The following DUSP15 variants were observed in gnomAD, a reference collection of about 807,000 sequenced individuals.
The protein encoded by DUSP15 is dual specificity phosphatase 15.
In DUSP15, 23 loss-of-function variants were observed where a neutral mutation model predicts 26.3. The observed-to-expected ratio is 0.87, with a 90% confidence interval of 0.63 to 1.24. The LOEUF is 1.24. DUSP15 is among the 50% of genes most tolerant of loss of function. The pLI is 0.00. For synonymous variants in DUSP15, 143 were observed against 135.5 expected (o/e 1.06, Z -0.39); for missense variants, 364 against 320.6 (o/e 1.14, Z -1.03).
At chr20:31,859,325 T>C (rs1033058737), downstream of DUSP15, among the ~76,000 whole-genome samples, 2 of 152,028 alleles carry the variant, frequency 1.3e-5, no homozygotes, top group African/African-American at 4.8e-5. Context: ...GCATCTTTCA[T>C]TAAATTGTCA....
intron 6 of DUSP15, among the ~76,000 whole-genome samples, chr20:31,853,593 A>AG: frequency 6.6e-6 from 1 of 151,790 alleles, no homozygotes; most frequent in African/African-American, 2.4e-5. Context: ...AGAGTGAGGC[A>AG]GGAGGATCAC....
At chr20:31,862,780 TC>T (rs1246016113) in intron 5 of DUSP15, 38 bp from the exon 6 acceptor site, 1 of 1,547,054 alleles carries the variant, frequency 6.5e-7, no homozygotes, top group African/African-American at 1.4e-5. Flanking sequence ...TCAAGTAAGA[TC>T]CAATGTCCTC....
upstream of DUSP15, chr20:31,870,538 C>T: frequency 1.4e-6 from 2 of 1,451,016 alleles, no homozygotes; most frequent in South Asian, 1.4e-5. This position sits in a 1 kb window ranked among gnomAD's most constrained non-coding sequence, Gnocchi z 6.6. Context: ...GGTGGTGGAG[C>T]CGCCGCTGCC....
chr20:31,861,819 T>C (rs1183952786), intron 6 of DUSP15, 144 bp from the exon 7 acceptor site: 1 of 647,654 alleles, frequency 1.5e-6, no homozygotes, highest in African/African-American at 2.0e-5. Context: ...GAGCGTCTTC[T>C]TTGCCTCCCT....
intron 3 of DUSP15, 63 bp from the exon 4 acceptor site, chr20:31,865,065 G>C: frequency 2.5e-6 from 4 of 1,582,620 alleles, no homozygotes; most frequent in Non-Finnish European, 3.5e-6. Flanking sequence ...ATGCTGGTCC[G>C]AGCTGCCCAG....
exon 10 of DUSP15, chr20:31,848,142 T>C (rs567122024): frequency 1.2e-4 from 58 of 472,320 alleles, no homozygotes; most frequent in African/African-American, 1.1e-3. Flanking sequence ...CAGCAAGAGA[T>C]GAAGTCTTGC....
chr20:31,846,603 C>T (rs1016881977), downstream of DUSP15, among the ~76,000 whole-genome samples: 2 of 152,116 alleles, frequency 1.3e-5, no homozygotes, highest in Admixed American at 1.3e-4. Context: ...CCTTCTCCTG[C>T]GGTGCAGAGG....
chr20:31,862,861 C>G (rs2062691104), intron 5 of DUSP15, 119 bp from the exon 6 acceptor site: 2 of 1,057,418 alleles, frequency 1.9e-6, no homozygotes, highest in Non-Finnish European at 2.6e-6. Flanking sequence ...CCATAAGGGA[C>G]CTGTCAGGAC....
intron 2 of DUSP15, among the ~76,000 whole-genome samples, chr20:31,868,119 C>T (rs2062814396): frequency 6.6e-6 from 1 of 152,204 alleles, no homozygotes. Flanking sequence ...ACACATGTCC[C>T]CTCTATCTCC....
intron 6 of DUSP15, chr20:31,850,821 G>A: frequency 1.2e-6 from 1 of 839,376 alleles, no homozygotes. Context: ...GAGGATGGGT[G>A]GTAGTAAGGA....
chr20:31,850,591 G>T (rs1479004201), intron 7 of DUSP15: 1 of 1,605,454 alleles, frequency 6.2e-7, no homozygotes, highest in Admixed American at 1.7e-5. Context: ...GGTCGGAGGG[G>T]AGGGGATTTC....
At chr20:31,846,181 T>TACACAGAGACAGAC (rs1555791558), downstream of DUSP15, among the ~76,000 whole-genome samples, 19 of 128,910 alleles carry the variant, frequency 1.5e-4, no homozygotes, top group African/African-American at 5.8e-4. Flanking sequence ...CACACACATA[T>TACACAGAGACAGAC]ACACAGAGAC....
chr20:31,868,120 C>T (rs965150143), intron 2 of DUSP15, among the ~76,000 whole-genome samples: 3 of 152,366 alleles, frequency 2.0e-5, no homozygotes, highest in Admixed American at 6.5e-5. Context: ...CACATGTCCC[C>T]TCTATCTCCA....
intron 6 of DUSP15, among the ~76,000 whole-genome samples, chr20:31,851,698 G>T (rs2062473136): frequency 6.6e-6 from 1 of 152,118 alleles, no homozygotes; most frequent in Non-Finnish European, 1.5e-5. Flanking sequence ...TGGGGCCAGT[G>T]GGTGACTTGC....
downstream of DUSP15, among the ~76,000 whole-genome samples, chr20:31,856,355 A>G (rs1319565405): frequency 2.0e-5 from 3 of 152,102 alleles, no homozygotes; most frequent in Non-Finnish European, 4.4e-5. Context: ...TCACAATGGC[A>G]ATGGGGAGCT....
chr20:31,869,864 G>T, intron 1 of DUSP15: 1 of 1,405,984 alleles, frequency 7.1e-7, no homozygotes, highest in East Asian at 2.7e-5. Flanking sequence ...AGGAAGGCAG[G>T]TCTTAGGAGG....
chr20:31,870,269 G>T lies in DUSP15; in HGVS notation c.21+48C>A, dbSNP rs1397136099. 1 of 1,226,110 alleles carries T rather than the reference G, an allele frequency of 8.2e-7. No homozygotes were observed. The highest frequency in any genetic ancestry group is 1.0e-6 in the Non-Finnish European group (1 of 984,344). The allele number at this position is 1,226,110 out of a possible 1,614,324, so 76.0% of individuals were successfully genotyped here. A position where few individuals can be genotyped will look rare whatever the true frequency, so the allele number is the denominator to read the frequency against. On this transcript the variant is annotated intron_variant, in intron 1 of 6. Coordinates refer to ENST00000339738, the MANE Select transcript of DUSP15 (RefSeq NM_080611.5). The surrounding 1 kb of genome is among the most constrained non-coding windows in gnomAD (Gnocchi z 6.6). ...ACCGAGCTGGTCAGCGCCGGGCCGC[G>T]GCGGCCGGGGCGGGGACCGGGGAGG...
At position 31,870,482 on chromosome 20, in the gene DUSP15, C is replaced by T. The variant is rs532311000; in HGVS notation, c.-145G>A. The T allele has an allele frequency of 3.2e-4, 437 of 1,371,520 alleles. 2 individuals carry two copies. In the African/African-American group the frequency reaches 5.9e-3, roughly 19 times the overall value. The allele number at this position is 1,371,520 out of a possible 1,614,324, so 85.0% of individuals were successfully genotyped here. On this transcript the variant is annotated 5_prime_UTR_variant, in exon 1 of 7. Coordinates refer to ENST00000339738, the MANE Select transcript of DUSP15 (RefSeq NM_080611.5). This position sits in a 1 kb window ranked among gnomAD's most constrained non-coding sequence, Gnocchi z 6.6. ...GCGTCCGCGGCCCTGCCCAGCCCTG[C>T]CCAGCCACCGCCACCGCCCGCCGAC... is the stretch of plus-strand genomic sequence containing the variant.
Position 31,861,383 on chromosome 20 carries a change from G to A in DUSP15, c.*20C>T, listed in dbSNP as rs1281783509. On this transcript the variant is annotated 3_prime_UTR_variant, in exon 7 of 7. Transcript: ENST00000339738. ...GAAGGGAGCCAGTCGGAAGTGGGGA[G>A]CCACGGCTGGACTGCATCCTCACTT... The A allele has an allele frequency of 2.6e-6, 4 of 1,522,554 alleles. No homozygotes were observed. Among genetic ancestry groups the A allele is most frequent in the Non-Finnish European group, 2.6e-6 (3 of 1,144,118 alleles). 94.3% of individuals were successfully genotyped at this position (1,522,554 alleles called of 1,614,324 possible). A position where few individuals can be genotyped will look rare whatever the true frequency, so the allele number is the denominator to read the frequency against.
Sources: gnomAD v4.1 joint callset for allele counts (sites outside exome capture counted in the v4.1 genomes callset) on GRCh38, gnomAD v4.1.1 for gene constraint, Gnocchi (gnomAD v3.1) non-coding constraint, MANE v1.5 for transcripts, NCBI Gene and HGNC (gene_info 2026-07-23, HGNC 2026-07-21) for gene names.